The following KNSTRN variants were observed in gnomAD, a reference collection of about 807,000 sequenced individuals.
KNSTRN encodes kinetochore localized astrin (SPAG5) binding protein.
Under a neutral mutation model 44.7 loss-of-function variants are expected in KNSTRN, and 38 were observed. That is an observed-to-expected ratio of 0.85 (90% CI 0.66 to 1.11). KNSTRN has a LOEUF of 1.11. KNSTRN is among the 50% of genes most tolerant of loss of function. KNSTRN has a pLI of 0.00. For synonymous variants in KNSTRN, 158 were observed against 148.1 expected (o/e 1.07, Z -0.48); for missense variants, 406 against 375.8 (o/e 1.08, Z -0.66).
At position 40,389,897 on chromosome 15, in the gene KNSTRN, T is replaced by G; in HGVS notation, c.653T>G (p.Leu218Trp). 1.2e-6 allele frequency: 2 copies of G among 1,614,210 alleles called. No individual in the cohort carries two copies. Among genetic ancestry groups the G allele is most frequent in the South Asian group, 2.2e-5 (2 of 91,086 alleles). ...ELLEKFRDNCLAILESKGLDP... is the reference protein window; with the variant it reads ...ELLEKFRDNCWAILESKGLDP... ...CTGGAGAAGTTTCGGGACAACTGTT[T>G]GGCAATTTTGGAGAGCAAGGGCCTT... The change falls in exon 6 of 9, where the codon TTG (leucine) becomes TGG (tryptophan). Residue 218 changes from leucine to tryptophan, a missense_variant. Leu to Trp is a moderately conservative substitution (Grantham distance 61, BLOSUM62 -2). Coordinates refer to ENST00000249776, the MANE Select transcript of KNSTRN (RefSeq NM_033286.4).
At chr15:40,386,589 C>G (rs183282580) in intron 3 of KNSTRN, 95 bp downstream of exon 3, 3 of 1,339,122 alleles carry the variant, frequency 2.2e-6, no homozygotes. Context: ...ACACAAGTCT[C>G]CTGAACAACT....
At chr15:40,392,045 G>T in intron 8 of KNSTRN, 22 bp downstream of exon 8, 1 of 1,537,460 alleles carries the variant, frequency 6.5e-7, no homozygotes, top group South Asian at 1.2e-5. Flanking sequence ...ACATCACCCT[G>T]ACCATTTCCT....
intron 6 of KNSTRN, among the ~76,000 whole-genome samples, 197 bp downstream of exon 6, chr15:40,390,126 T>G (rs1889974080): frequency 6.6e-6 from 1 of 152,238 alleles, no homozygotes; most frequent in Non-Finnish European, 1.5e-5. Flanking sequence ...TTTCAGATGA[T>G]TATAGAGAGA....
rs749554918 is a variant in KNSTRN, at chr15:40,383,238, T to C, written c.220T>C (p.Cys74Arg). Reference protein sequence around the residue: ...QDRRAPGVQPCRLVTMTSVVK... With the variant: ...QDRRAPGVQPRRLVTMTSVVK... ...TCCTGTACCTTCCAGGGTTCAGCCGTGCCGCCTCGTTACGATGACCAGTGT... is the reference window on the plus strand; with the variant it reads ...TCCTGTACCTTCCAGGGTTCAGCCGCGCCGCCTCGTTACGATGACCAGTGT... The change falls in exon 2 of 9, where the codon TGC becomes CGC. Residue 74 changes from cysteine (C) to arginine (R), a missense_variant. Physicochemically the swap from Cys to Arg is radical, Grantham distance 180. Transcript: ENST00000249776. 6.2e-7 allele frequency: 1 copy of C among 1,614,008 alleles called. No individual in the cohort carries two copies. The highest frequency in any genetic ancestry group is 8.5e-7 in the Non-Finnish European group (1 of 1,179,860).
At chr15:40,384,552 C>T (rs1472328536) in intron 2 of KNSTRN, 7 of 452,074 alleles carry the variant, frequency 1.5e-5, no homozygotes, top group Non-Finnish European at 2.2e-5. Flanking sequence ...CCCTTAGATG[C>T]GGTGCCCCTG....
At chr15:40,387,463 G>A (rs1044849861) in intron 4 of KNSTRN, among the ~76,000 whole-genome samples, 3 of 152,202 alleles carry the variant, frequency 2.0e-5, no homozygotes, top group African/African-American at 4.8e-5. Flanking sequence ...CTGCTGATTG[G>A]AAATCACACT....
chr15:40,392,216 G>A (rs1464627436), intron 8 of KNSTRN, among the ~76,000 whole-genome samples, 193 bp downstream of exon 8: 6 of 151,060 alleles, frequency 4.0e-5, no homozygotes, highest in Non-Finnish European at 7.4e-5. Context: ...TAAGTTCAGG[G>A]GTACACGTAC....
At chr15:40,388,885 TC>T (rs1316783240) in intron 4 of KNSTRN, among the ~76,000 whole-genome samples, 1 of 152,156 alleles carries the variant, frequency 6.6e-6, no homozygotes. Context: ...GGGGGCCTGC[TC>T]CCAACAATTG....
chr15:40,394,255 T>C lies in KNSTRN; in HGVS notation c.*658T>C, dbSNP rs1460767759. On this transcript the variant is annotated 3_prime_UTR_variant, in exon 9 of 9. Coordinates refer to ENST00000249776, the MANE Select transcript of KNSTRN (RefSeq NM_033286.4). The stretch of plus-strand genomic sequence containing the variant: ...AATACTTCTGTAAATATTCTGACTG[T>C]AACATTGAGGAATGAAAATAGCCTT... 1 of 152,248 alleles carries C rather than the reference T, an allele frequency of 6.6e-6. No individual in the cohort carries two copies. The highest frequency in any genetic ancestry group is 1.5e-5 in the Non-Finnish European group (1 of 68,046). 9.4% of individuals were successfully genotyped at this position (152,248 alleles called of 1,614,324 possible).
At chr15:40,392,294 A>T (rs1191855041) in intron 8 of KNSTRN, among the ~76,000 whole-genome samples, 1 of 151,648 alleles carries the variant, frequency 6.6e-6, no homozygotes, top group Non-Finnish European at 1.5e-5. Context: ...TCATCCCATC[A>T]CCTAGGTATT....
At chr15:40,386,050 A>G (rs916444561) in intron 2 of KNSTRN, among the ~76,000 whole-genome samples, 3 of 152,200 alleles carry the variant, frequency 2.0e-5, no homozygotes, top group Non-Finnish European at 2.9e-5. Flanking sequence ...AGGCTGGGCA[A>G]CATAGTGAGA....
At chr15:40,392,049 A>G (rs1890007783) in intron 8 of KNSTRN, 26 bp downstream of exon 8, 3 of 1,494,060 alleles carry the variant, frequency 2.0e-6, no homozygotes, top group East Asian at 4.8e-5. Flanking sequence ...CACCCTGACC[A>G]TTTCCTACCA....
rs1357898170 is a variant in KNSTRN at position 40,386,343 on chromosome 15, C to G, written c.305-19C>G. ...CGGGTCATGATGCCAGAAGCTTTAC[C>G]TCTCATTTTCCTTTGCAGACACACA... On this transcript the variant is annotated intron_variant, in intron 2 of 8. Transcript: ENST00000249776. 1 of 1,607,932 alleles carries G rather than the reference C, an allele frequency of 6.2e-7. No homozygotes were observed. Among genetic ancestry groups the G allele is most frequent in the African/African-American group, 1.3e-5 (1 of 74,648 alleles).
At chr15:40,388,983 TATTACTC>T (rs1187060477) in intron 4 of KNSTRN, among the ~76,000 whole-genome samples, 3 of 152,196 alleles carry the variant, frequency 2.0e-5, no homozygotes, top group African/African-American at 7.2e-5. Context: ...TTTTCTCTCT[TATTACTC>T]ATAATAATAA....
At chr15:40,383,732 A>G (rs1889855315) in intron 2 of KNSTRN, among the ~76,000 whole-genome samples, 1 of 152,124 alleles carries the variant, frequency 6.6e-6, no homozygotes, top group Non-Finnish European at 1.5e-5. Context: ...TTCTTTGTTC[A>G]CCTTTATATC....
rs188586340 is a variant in KNSTRN, at chr15:40,391,953, T to C, written c.752T>C (p.Leu251Pro). ...TACATTGTGCTTTCCTCTTAGTTGC[T>C]GTTAGAAACTTTGCAAGAGGAGCTG... is the stretch of plus-strand genomic sequence containing the variant. ...STTDHMDSMLLLETLQEELKL... is the reference protein window; with the variant it reads ...STTDHMDSMLPLETLQEELKL... Residue 251 changes from leucine to proline, a missense_variant, in exon 8 of 9, where the codon CTG (leucine) becomes CCG (proline). Transcript: ENST00000249776. 17 of 1,606,936 alleles carry C rather than the reference T, an allele frequency of 1.1e-5. No individual in the cohort carries two copies. The Admixed American group carries it at 2.1e-4, about 20-fold the overall frequency.
In KNSTRN at chr15:40,382,857, C is replaced by A. The variant is rs779227895; in HGVS notation, c.22C>A (p.Pro8Thr). The part of the protein sequence containing the change: MAAPEAP[P>T]LDRVFRTTWL... ...CAGTATGGCGGCTCCCGAAGCCCCG[C>A]CCCTGGACAGAGTTTTCCGTACAAC... is the stretch of plus-strand genomic sequence containing the variant. The change falls in exon 1 of 9, where the codon CCC becomes ACC. Residue 8 changes from proline (P) to threonine (T), a missense_variant. Physicochemically the swap from Pro to Thr is conservative, Grantham distance 38. Transcript: ENST00000249776. 2 of 1,611,606 alleles carry A rather than the reference C, an allele frequency of 1.2e-6. No individual in the cohort carries two copies. Among genetic ancestry groups the A allele is most frequent in the Non-Finnish European group, 1.7e-6 (2 of 1,179,672 alleles).
chr15:40,387,652 A>C (rs936418626), intron 4 of KNSTRN, among the ~76,000 whole-genome samples: 1 of 152,168 alleles, frequency 6.6e-6, no homozygotes, highest in Non-Finnish European at 1.5e-5. Flanking sequence ...TAGAAATAAT[A>C]AGCTGAAAAG....
chr15:40,383,353 C>T (rs770049256), intron 2 of KNSTRN, 31 bp downstream of exon 2: 7 of 1,546,030 alleles, frequency 4.5e-6, no homozygotes, highest in Non-Finnish European at 6.2e-6. Context: ...CGGGGCACTG[C>T]GGCCTGGCCG....
Sources: allele counts gnomAD v4.1 joint callset (sites outside exome capture counted in the v4.1 genomes callset), GRCh38; gene constraint gnomAD v4.1.1; transcripts MANE v1.5; gene names NCBI Gene and HGNC (gene_info 2026-07-23, HGNC 2026-07-21).